FOXP1: variants seen among roughly 807,000 people sequenced by gnomAD.
FOXP1 encodes the protein forkhead box protein P1.
FOXP1 carries 15 observed loss-of-function variants against 98.2 expected under a neutral mutation model. The observed-to-expected ratio is 0.15, with a 90% CI of 0.10 to 0.24. The LOEUF (loss-of-function observed/expected upper bound fraction) is 0.24. Among genes scored for constraint, FOXP1 ranks in the 10% least tolerant of loss-of-function variants. FOXP1 has a pLI of 1.00. For synonymous variants in FOXP1, 371 were observed against 314.5 expected, an observed-to-expected ratio of 1.18 and a Z score of -1.90; for missense variants, 633 against 848.5, an observed-to-expected ratio of 0.75 and a Z score of 3.15.
intron 2 of FOXP1, among the ~76,000 whole-genome samples, chr3:71,504,953 G>A (rs2041696621): frequency 6.6e-6 from 1 of 152,144 alleles, no homozygotes; most frequent in South Asian, 2.1e-4. Context: ...GCCTTATAAC[G>A]GTGGCAAGAG....
At chr3:71,287,366 T>G (rs1049143481) in intron 5 of FOXP1, among the ~76,000 whole-genome samples, 3 of 151,682 alleles carry the variant, frequency 2.0e-5, no homozygotes, top group African/African-American at 4.8e-5. Context: ...AGCTACTCAT[T>G]GAGGCTGAGG....
At chr3:71,474,980 A>G (rs1195045581) in intron 3 of FOXP1, among the ~76,000 whole-genome samples, 1 of 152,026 alleles carries the variant, frequency 6.6e-6, no homozygotes, top group Non-Finnish European at 1.5e-5. Flanking sequence ...AGCCTTCCTC[A>G]TGGAGTTTCC....
chr3:71,085,735 CTTT>C (rs56318177), intron 7 of FOXP1, among the ~76,000 whole-genome samples: 1 of 37,038 alleles, frequency 2.7e-5, no homozygotes, highest in South Asian at 1.4e-3. Flanking sequence ...CATTTATGGC[CTTT>C]TTTTTTTTTT....
At chr3:70,972,778 C>A (rs561534639) in intron 17 of FOXP1, 102 bp from the exon 18 acceptor site, 9 of 1,220,564 alleles carry the variant, frequency 7.4e-6, no homozygotes, top group South Asian at 5.4e-5. Context: ...TAAAACCATC[C>A]CCAAGAGCTG....
intron 7 of FOXP1, among the ~76,000 whole-genome samples, chr3:71,064,541 G>C (rs2052081245): frequency 1.3e-5 from 2 of 151,920 alleles, no homozygotes; most frequent in Admixed American, 1.3e-4. Flanking sequence ...AAGAGAGCGA[G>C]AGTGTGAGCC....
intron 6 of FOXP1, among the ~76,000 whole-genome samples, chr3:71,142,839 A>G (rs887627184): frequency 6.6e-6 from 1 of 152,216 alleles, no homozygotes; most frequent in East Asian, 1.9e-4. Context: ...CAAAAAACTA[A>G]CACACGCAGA....
intron 13 of FOXP1, among the ~76,000 whole-genome samples, chr3:70,999,380 T>A (rs1009660931): frequency 6.6e-6 from 1 of 152,196 alleles, no homozygotes; most frequent in African/African-American, 2.4e-5. Flanking sequence ...GATCTTCCAG[T>A]TTATTCTTTT....
At chr3:71,300,479 G>T (rs1576851888) in intron 4 of FOXP1, among the ~76,000 whole-genome samples, 1 of 152,118 alleles carries the variant, frequency 6.6e-6, no homozygotes, top group African/African-American at 2.4e-5. Flanking sequence ...ATTAAAAAGG[G>T]TTCATGTCAC....
At chr3:70,973,325 T>C (rs1341681608) in intron 17 of FOXP1, among the ~76,000 whole-genome samples, 1 of 141,944 alleles carries the variant, frequency 7.0e-6, no homozygotes, top group Non-Finnish European at 1.5e-5. Flanking sequence ...GCCCTAACTA[T>C]CGGCAAGTAT....
In FOXP1 at chr3:71,041,527, T is replaced by C. The variant is rs2048333993; in HGVS notation, c.670A>G (p.Ile224Val). Residue 224 changes from isoleucine to valine, a missense_variant, in exon 11 of 21, where the codon ATT becomes GTT. Physicochemically the swap from Ile to Val is conservative, Grantham distance 29. Around this residue, in one of 6 missense-constraint regions of FOXP1, gnomAD observed 210 missense variants for 270.6 expected, o/e 0.78. Transcript: ENST00000649528. Reference sequence around the variant, plus strand: ...CAGAGCTGCTGCAGTTCTGTTGGAATCATGCCTGAAACAAACAAATTGGAT... The same window carrying C: ...CAGAGCTGCTGCAGTTCTGTTGGAACCATGCCTGAAACAAACAAATTGGAT... ...LPLQPLAQGMIPTELQQLWKE... is the reference protein window; with the variant it reads ...LPLQPLAQGMVPTELQQLWKE... 1 of 1,613,700 alleles carries C rather than the reference T, an allele frequency of 6.2e-7. No homozygotes were observed. The highest frequency in any genetic ancestry group is 8.5e-7 in the Non-Finnish European group (1 of 1,179,718).
At chr3:71,055,256 C>T (rs891976911) in intron 7 of FOXP1, among the ~76,000 whole-genome samples, 1 of 152,104 alleles carries the variant, frequency 6.6e-6, no homozygotes, top group African/African-American at 2.4e-5. Flanking sequence ...TCATGCACAG[C>T]GAATGTTCTC....
chr3:71,545,538 G>GA (rs2045290633), intron 2 of FOXP1, among the ~76,000 whole-genome samples: 1 of 152,142 alleles, frequency 6.6e-6, no homozygotes, highest in Non-Finnish European at 1.5e-5. Context: ...CATGCTGAAG[G>GA]ACTGAACTGC....
At chr3:71,008,297 G>C (rs553991758) in intron 12 of FOXP1, among the ~76,000 whole-genome samples, 1 of 152,178 alleles carries the variant, frequency 6.6e-6, no homozygotes, top group Admixed American at 6.5e-5. Flanking sequence ...GGGAGGGGGA[G>C]GAAAGGGAAG....
intron 6 of FOXP1, among the ~76,000 whole-genome samples, chr3:71,177,289 A>C (rs1301181285): frequency 1.3e-5 from 2 of 152,194 alleles, no homozygotes; most frequent in African/African-American, 4.8e-5. Context: ...AATTAGGTAC[A>C]TCTGCTACAA....
At chr3:71,046,192 A>C (rs1487953181) in intron 10 of FOXP1, among the ~76,000 whole-genome samples, 1 of 152,124 alleles carries the variant, frequency 6.6e-6, no homozygotes, top group Non-Finnish European at 1.5e-5. Flanking sequence ...GAGTTGCTTA[A>C]ACCAAGAGGA....
chr3:71,157,503 A>G (rs2060883047), intron 6 of FOXP1, among the ~76,000 whole-genome samples: 1 of 152,210 alleles, frequency 6.6e-6, no homozygotes, highest in Non-Finnish European at 1.5e-5. Context: ...TTAAATCTGA[A>G]TATGGTTGTA....
chr3:71,373,900 G>A (rs141123976), intron 3 of FOXP1, among the ~76,000 whole-genome samples: 4 of 152,284 alleles, frequency 2.6e-5, no homozygotes, highest in South Asian at 4.1e-4. Context: ...ATACACTGGG[G>A]TTTGCTGAAT....
intron 2 of FOXP1, among the ~76,000 whole-genome samples, chr3:71,547,265 C>T (rs540480007): frequency 6.6e-6 from 1 of 152,158 alleles, no homozygotes; most frequent in African/African-American, 2.4e-5. Context: ...TGCCTGCCTA[C>T]CAAAATGCAA....
At chr3:71,431,968 G>C (rs1007478349) in intron 3 of FOXP1, among the ~76,000 whole-genome samples, 5 of 152,202 alleles carry the variant, frequency 3.3e-5, no homozygotes, top group African/African-American at 4.8e-5. Context: ...GTGTCATTCT[G>C]TGTTGCATCT....
Sources: allele counts gnomAD v4.1 joint callset (sites outside exome capture counted in the v4.1 genomes callset), GRCh38; gene constraint gnomAD v4.1.1; regional missense constraint gnomAD v4.1.1; transcripts MANE v1.5; gene names NCBI Gene and HGNC (gene_info 2026-07-23, HGNC 2026-07-21).